The following LYN variants were observed in gnomAD, a reference collection of about 807,000 sequenced individuals.
The protein encoded by LYN is tyrosine-protein kinase Lyn.
In LYN, 12 loss-of-function variants were observed where a neutral mutation model predicts 65.0. The ratio of observed to expected loss-of-function variants is 0.18; its 90% CI spans 0.12 to 0.30. The LOEUF (loss-of-function observed/expected upper bound fraction) is 0.30, where lower values mean the gene tolerates loss of function less well. LYN is among the 10% of genes least tolerant of loss of function. The pLI is 1.00. For missense variants in LYN, 380 were observed against 623.2 expected (o/e 0.61, Z 4.16); for synonymous variants, 222 against 221.2 (o/e 1.00, Z -0.03).
chr8:55,899,220 A>G (rs1443429035), intron 1 of LYN, among the ~76,000 whole-genome samples: 2 of 152,228 alleles, frequency 1.3e-5, no homozygotes, highest in African/African-American at 4.8e-5. Context: ...TCTGTTAGGT[A>G]GTCAATTCCT....
intron 5 of LYN, 36 bp from the exon 6 acceptor site, chr8:55,950,645 A>C: frequency 1.3e-6 from 2 of 1,579,884 alleles, no homozygotes; most frequent in Non-Finnish European, 1.7e-6. Flanking sequence ...TTGCCGTGGA[A>C]CATAATATGC....
intron 6 of LYN, 31 bp downstream of exon 6, chr8:55,950,815 C>T (rs1339286290): frequency 2.8e-6 from 4 of 1,432,940 alleles, no homozygotes; most frequent in South Asian, 2.3e-5. Context: ...TCTTTTAAAA[C>T]ACTATTTAGG....
chr8:55,950,387 T>C (rs66913087), intron 4 of LYN, 72 bp from the exon 5 acceptor site: 134,946 of 921,990 alleles, frequency 0.15, 11,216 homozygotes, highest in Middle Eastern at 0.24. Context: ...TTATGGGATA[T>C]CTGTGATATT....
chr8:55,948,247 T>C (rs908706165), intron 4 of LYN, among the ~76,000 whole-genome samples: 2 of 152,204 alleles, frequency 1.3e-5, no homozygotes, highest in Non-Finnish European at 2.9e-5. Context: ...GTGCTGGGAT[T>C]ACAGGTGTGA....
At chr8:55,918,775 C>T (rs1320705071) in intron 1 of LYN, among the ~76,000 whole-genome samples, 1 of 152,062 alleles carries the variant, frequency 6.6e-6, no homozygotes, top group Non-Finnish European at 1.5e-5. Context: ...TGGCAAACCC[C>T]ACCACTGGGC....
At chr8:55,888,110 C>T (rs1804854555) in intron 1 of LYN, among the ~76,000 whole-genome samples, 1 of 152,160 alleles carries the variant, frequency 6.6e-6, no homozygotes, top group South Asian at 2.1e-4. Flanking sequence ...CTTAAAGAAC[C>T]TTCCACTGCT....
At chr8:55,927,396 C>T (rs1806137610) in intron 1 of LYN, among the ~76,000 whole-genome samples, 3 of 152,124 alleles carry the variant, frequency 2.0e-5, no homozygotes, top group African/African-American at 7.2e-5. Context: ...TTTAAGGTTC[C>T]TCTATGTCCT....
intron 1 of LYN, among the ~76,000 whole-genome samples, chr8:55,907,621 C>A (rs1805466558): frequency 2.0e-5 from 3 of 152,120 alleles, no homozygotes; most frequent in South Asian, 4.1e-4. Context: ...AATCCCAGGA[C>A]TTTGAGAGAC....
At chr8:55,956,223 A>G (rs1238430981) in intron 8 of LYN, among the ~76,000 whole-genome samples, 1 of 152,202 alleles carries the variant, frequency 6.6e-6, no homozygotes, top group Non-Finnish European at 1.5e-5. Context: ...TACCCTTCAC[A>G]TAGATTCACC....
intron 12 of LYN, among the ~76,000 whole-genome samples, chr8:56,005,279 C>T (rs559319271): frequency 3.3e-5 from 5 of 152,344 alleles, no homozygotes; most frequent in African/African-American, 1.2e-4. Context: ...CCTCAAGGTC[C>T]ATGCATGGTG....
chr8:55,960,331 C>T (rs1190034932), intron 8 of LYN, among the ~76,000 whole-genome samples: 3 of 151,832 alleles, frequency 2.0e-5, no homozygotes, highest in African/African-American at 7.3e-5. Context: ...TTTAATTGTG[C>T]TTTTCTTCCA....
intron 8 of LYN, chr8:55,955,139 C>T (rs1807068437): frequency 6.6e-6 from 1 of 152,308 alleles, no homozygotes; most frequent in Non-Finnish European, 1.5e-5. Flanking sequence ...GCCACGTGGA[C>T]ACGTCACCTC....
intron 2 of LYN, among the ~76,000 whole-genome samples, chr8:55,946,010 AGAAAGAGGCAAGG>A (rs1806765050): frequency 6.6e-6 from 1 of 152,192 alleles, no homozygotes; most frequent in Non-Finnish European, 1.5e-5. Flanking sequence ...CTAGGGAGAG[AGAAAGAGGCAAGG>A]GAAAAGGGGA....
chr8:55,997,722 T>C (rs2130581585), intron 10 of LYN, among the ~76,000 whole-genome samples: 1 of 152,328 alleles, frequency 6.6e-6, no homozygotes, highest in East Asian at 1.9e-4. Flanking sequence ...GAAACTGGCA[T>C]AATAACATCT....
At chr8:55,916,061 T>C (rs1211742945) in intron 1 of LYN, among the ~76,000 whole-genome samples, 1 of 152,234 alleles carries the variant, frequency 6.6e-6, no homozygotes, top group East Asian at 1.9e-4. Context: ...TAGAGCTATC[T>C]TAAGTTCAGT....
In LYN at chr8:56,011,725, AT is replaced by A. The variant is rs959889419; in HGVS notation, c.*1622del. The A allele has an allele frequency of 3.2e-5, 6 of 190,432 alleles. No homozygotes were observed. The highest frequency in any genetic ancestry group is 4.4e-5 in the Non-Finnish European group (4 of 91,028). 11.8% of individuals were successfully genotyped at this position (190,432 alleles called of 1,614,324 possible). On this transcript the variant is annotated 3_prime_UTR_variant, in exon 13 of 13. Transcript: ENST00000519728. ...AAATTTTAACTTTGTTTCCTATGTG[AT>A]TTTTTTAAATGTCCTTTCTAAAATA...
chr8:55,990,676 TA>T (rs1808222624), intron 10 of LYN, among the ~76,000 whole-genome samples: 1 of 152,184 alleles, frequency 6.6e-6, no homozygotes, highest in African/African-American at 2.4e-5. Flanking sequence ...AGAGTCTGTT[TA>T]TCAGTCTCAG....
At chr8:55,907,647 G>T (rs1355701316) in intron 1 of LYN, among the ~76,000 whole-genome samples, 2 of 152,092 alleles carry the variant, frequency 1.3e-5, no homozygotes, top group African/African-American at 4.8e-5. Context: ...TGGAAGGATT[G>T]CTTGAGCCCA....
intron 1 of LYN, among the ~76,000 whole-genome samples, chr8:55,884,268 C>T (rs1804727819): frequency 6.6e-6 from 1 of 152,116 alleles, no homozygotes; most frequent in South Asian, 2.1e-4. Context: ...CCACACCCAG[C>T]TAATTTTTGT....
Sources: allele counts gnomAD v4.1 joint callset (sites outside exome capture counted in the v4.1 genomes callset), GRCh38; gene constraint gnomAD v4.1.1; transcripts MANE v1.5; gene names NCBI Gene and HGNC (gene_info 2026-07-23, HGNC 2026-07-21).